Variants in POU2F1 observed in about 807,000 individuals in gnomAD.
POU2F1 encodes POU class 2 homeobox 1, also known as POU domain, class 2, transcription factor 1.
POU2F1 carries 16 observed loss-of-function variants against 84.9 expected under a neutral mutation model. The observed-to-expected ratio is 0.19, with a 90% confidence interval of 0.13 to 0.29. The LOEUF is 0.29. POU2F1 is among the 10% of genes least tolerant of loss of function. The pLI is 1.00. For synonymous variants in POU2F1, 368 were observed against 368.3 expected, an observed-to-expected ratio of 1.00 and a Z score of 0.01; for missense variants, 738 against 942.6, an observed-to-expected ratio of 0.78 and a Z score of 2.84.
intron 1 of POU2F1, among the ~76,000 whole-genome samples, chr1:167,261,023 C>T (rs910807080): frequency 6.6e-6 from 1 of 152,158 alleles, no homozygotes; most frequent in Non-Finnish European, 1.5e-5. Flanking sequence ...TGCCAGCTAG[C>T]TTCAGGGTCT....
At chr1:167,231,616 A>C (rs1275369364) in intron 1 of POU2F1, among the ~76,000 whole-genome samples, 1 of 152,208 alleles carries the variant, frequency 6.6e-6, no homozygotes, top group Non-Finnish European at 1.5e-5. Context: ...TGTACTGAGC[A>C]CTGGTGGTAG....
chr1:167,274,816 A>G (rs968162302), intron 1 of POU2F1, among the ~76,000 whole-genome samples: 1 of 152,156 alleles, frequency 6.6e-6, no homozygotes, highest in Admixed American at 6.5e-5. Flanking sequence ...TCTTGCGAAA[A>G]TGCTTGTTGC....
At chr1:167,403,880 C>T (rs757271894) in intron 13 of POU2F1, among the ~76,000 whole-genome samples, 1 of 152,104 alleles carries the variant, frequency 6.6e-6, no homozygotes, top group Non-Finnish European at 1.5e-5. Flanking sequence ...ACATGTATAA[C>T]TGAGAAGTAT....
intron 1 of POU2F1, among the ~76,000 whole-genome samples, chr1:167,226,352 G>C (rs2102327282): frequency 6.6e-6 from 1 of 152,238 alleles, no homozygotes; most frequent in Middle Eastern, 3.4e-3. Flanking sequence ...GTGGTTGAAA[G>C]GGATAATAAT....
intron 3 of POU2F1, among the ~76,000 whole-genome samples, chr1:167,366,242 C>G (rs951706133): frequency 6.6e-6 from 1 of 152,136 alleles, no homozygotes; most frequent in Non-Finnish European, 1.5e-5. Flanking sequence ...CAGTTGGGAG[C>G]TAGATTATCA....
chr1:167,393,471 A>T (rs1211302821), intron 9 of POU2F1, among the ~76,000 whole-genome samples: 1 of 152,014 alleles, frequency 6.6e-6, no homozygotes, highest in East Asian at 1.9e-4. Context: ...TACTGTCATG[A>T]TTTTTTAATA....
At chr1:167,256,365 CTTTT>C (rs35700112) in intron 1 of POU2F1, among the ~76,000 whole-genome samples, 4 of 126,666 alleles carry the variant, frequency 3.2e-5, no homozygotes, top group Non-Finnish European at 3.4e-5. Flanking sequence ...TAAATTTCTT[CTTTT>C]TTTTTTTTTT....
In POU2F1 at chr1:167,314,032, A is replaced by T. The variant is rs376521132; in HGVS notation, c.62-18438A>T. ...GCCAAGATGGTGAAACCTCGTCTCT[A>T]CTGAAAATACAAAAATATTAGCTGG... On this transcript the variant is annotated intron_variant, in intron 1 of 15. Transcript: ENST00000367866. 3.3e-4 allele frequency among the ~76,000 whole-genome samples: 50 copies of T among 152,202 alleles called. 1 individual carries two copies. In the East Asian group the frequency reaches 7.4e-3, roughly 22 times the overall value.
intron 1 of POU2F1, among the ~76,000 whole-genome samples, chr1:167,268,011 G>A (rs1652103925): frequency 6.6e-6 from 1 of 152,104 alleles, no homozygotes; most frequent in African/African-American, 2.4e-5. Context: ...TGTTTACCCT[G>A]CAGGTGGCGC....
chr1:167,342,276 G>C (rs1657911985), intron 2 of POU2F1, among the ~76,000 whole-genome samples: 1 of 151,940 alleles, frequency 6.6e-6, no homozygotes, highest in Admixed American at 6.6e-5. Flanking sequence ...CTATATTTCA[G>C]GCAAATGAAA....
intron 1 of POU2F1, among the ~76,000 whole-genome samples, chr1:167,231,817 G>A (rs1369975001): frequency 6.6e-6 from 1 of 152,230 alleles, no homozygotes; most frequent in Admixed American, 6.5e-5. Context: ...AGGATATCAT[G>A]TTTACAATGA....
rs147819879 is a variant in POU2F1, at chr1:167,381,078, G to GT, written c.719-2769dup. ...GTTTAGGTAAGGGAAAGTGGCAAGCGTTTTTTTTTTGTTGTTGTTTTTGAG... is the reference window on the plus strand; with the variant it reads ...GTTTAGGTAAGGGAAAGTGGCAAGCGTTTTTTTTTTTGTTGTTGTTTTTGAG... On this transcript the variant is annotated intron_variant, in intron 7 of 15. Coordinates refer to ENST00000367866, the MANE Select transcript of POU2F1 (RefSeq NM_002697.4). The GT allele has an allele frequency of 1.3e-3, 201 of 150,674 alleles. 1 individual carries two copies. The highest frequency in any genetic ancestry group is 4.2e-3 in the African/African-American group (171 of 40,846). 9.3% of individuals were successfully genotyped at this position (150,674 alleles called of 1,614,324 possible).
intron 1 of POU2F1, among the ~76,000 whole-genome samples, chr1:167,284,073 C>G (rs185637928): frequency 2.0e-5 from 3 of 152,310 alleles, no homozygotes; most frequent in South Asian, 2.1e-4. Flanking sequence ...AATTTACCCT[C>G]TAACTGTCCT....
At chr1:167,391,766 C>A (rs959796783) in intron 9 of POU2F1, among the ~76,000 whole-genome samples, 5 of 151,280 alleles carry the variant, frequency 3.3e-5, no homozygotes, top group African/African-American at 7.3e-5. Context: ...TCATGTTGCC[C>A]AAGCTGGTCT....
intron 9 of POU2F1, among the ~76,000 whole-genome samples, chr1:167,392,663 A>G (rs999613173): frequency 6.6e-6 from 1 of 152,034 alleles, no homozygotes; most frequent in East Asian, 1.9e-4. Flanking sequence ...GAGCTTCCCT[A>G]TGGTCTGGTG....
intron 1 of POU2F1, among the ~76,000 whole-genome samples, chr1:167,246,973 A>G (rs10918670): frequency 0.15 from 23,498 of 152,082 alleles, 2,071 homozygotes; most frequent in Non-Finnish European, 0.2. Context: ...ATTGGTAACT[A>G]TGAACCACGT....
chr1:167,256,772 T>A (rs1651173435), intron 1 of POU2F1, among the ~76,000 whole-genome samples: 1 of 152,200 alleles, frequency 6.6e-6, no homozygotes, highest in Non-Finnish European at 1.5e-5. Flanking sequence ...AACTTTGGGA[T>A]GTAGCAGTAC....
intron 2 of POU2F1, among the ~76,000 whole-genome samples, chr1:167,351,173 T>C (rs1412402801): frequency 6.6e-6 from 1 of 151,750 alleles, no homozygotes; most frequent in Non-Finnish European, 1.5e-5. Context: ...GCCGACATGG[T>C]GAAACCCCAT....
chr1:167,230,050 G>T (rs866192309), intron 1 of POU2F1, among the ~76,000 whole-genome samples: 1 of 152,142 alleles, frequency 6.6e-6, no homozygotes, highest in Admixed American at 6.5e-5. Context: ...AATTTTTAAA[G>T]AAATTTCCCT....
Sources: allele counts gnomAD v4.1 joint callset (sites outside exome capture counted in the v4.1 genomes callset), GRCh38; gene constraint gnomAD v4.1.1; transcripts MANE v1.5; gene names NCBI Gene and HGNC (gene_info 2026-07-23, HGNC 2026-07-21).